Variants in ARHGEF3 observed in about 807,000 individuals in gnomAD.
The protein encoded by ARHGEF3 is Rho guanine nucleotide exchange factor 3.
In ARHGEF3, 28 loss-of-function variants were observed where a neutral mutation model predicts 63.2. That is an observed-to-expected ratio of 0.44 (90% CI 0.33 to 0.61). ARHGEF3 has a LOEUF of 0.61. Among genes scored for constraint, ARHGEF3 ranks in the 20% least tolerant of loss-of-function variants. ARHGEF3 has a pLI of 0.03. For synonymous variants in ARHGEF3, 266 were observed against 254.2 expected (o/e 1.05, Z -0.44); for missense variants, 533 against 659.3 (o/e 0.81, Z 2.10).
chr3:56,933,951 T>C (rs926359269), intron 3 of ARHGEF3, among the ~76,000 whole-genome samples: 2 of 152,210 alleles, frequency 1.3e-5, no homozygotes, highest in African/African-American at 2.4e-5. Flanking sequence ...GTTTTATTAG[T>C]GTTTAACAGT....
At chr3:56,733,521 A>G (rs116746621) in intron 8 of ARHGEF3, among the ~76,000 whole-genome samples, 2,685 of 152,188 alleles carry the variant, frequency 0.018, 86 homozygotes, top group African/African-American at 0.061. Context: ...ACAATAGTCT[A>G]TAAAAAATGA....
At chr3:56,990,380 T>C (rs1288601717) in intron 2 of ARHGEF3, among the ~76,000 whole-genome samples, 1 of 152,200 alleles carries the variant, frequency 6.6e-6, no homozygotes, top group African/African-American at 2.4e-5. Context: ...GGTCAAGAGT[T>C]CGAGACCAGC....
At chr3:56,921,957 T>C (rs2042153435) in intron 3 of ARHGEF3, among the ~76,000 whole-genome samples, 1 of 152,244 alleles carries the variant, frequency 6.6e-6, no homozygotes, top group South Asian at 2.1e-4. Flanking sequence ...CTGGTTTTGT[T>C]ACAAGCAATC....
At chr3:56,912,133 T>C (rs1013101896) in intron 3 of ARHGEF3, among the ~76,000 whole-genome samples, 1 of 152,128 alleles carries the variant, frequency 6.6e-6, no homozygotes, top group Non-Finnish European at 1.5e-5. Context: ...TCATTTGACT[T>C]TGAAGTAGGG....
intron 1 of ARHGEF3, among the ~76,000 whole-genome samples, chr3:57,052,320 G>A (rs11919079): frequency 0.19 from 28,202 of 151,338 alleles, 2,754 homozygotes; most frequent in Middle Eastern, 0.27. Context: ...TTTTTCAGAC[G>A]GAGTCTCCTT....
intron 1 of ARHGEF3, among the ~76,000 whole-genome samples, chr3:57,046,672 T>G (rs1351882788): frequency 6.6e-6 from 1 of 152,118 alleles, no homozygotes; most frequent in Non-Finnish European, 1.5e-5. Context: ...TGACTGTGTG[T>G]TCAGCTGCAC....
Position 56,917,013 on chromosome 3 carries a change from T to C in ARHGEF3, c.130-34659A>G, listed in dbSNP as rs140618254. Among the ~76,000 whole-genome samples, 315 of 152,300 alleles carry C rather than the reference T, an allele frequency of 2.1e-3. 3 individuals are homozygous for C. The highest frequency in any genetic ancestry group is 7.1e-3 in the African/African-American group (293 of 41,554). ...AACTTTTGTCATGGATAACAAGAGG[T>C]CTTCCTGCTCAGAGCTATTATGGAA... On this transcript the variant is annotated intron_variant, in intron 3 of 12. Coordinates refer to the ARHGEF3 transcript ENST00000338458.
chr3:56,923,398 T>G (rs990096510), intron 3 of ARHGEF3, among the ~76,000 whole-genome samples: 12 of 151,924 alleles, frequency 7.9e-5, no homozygotes, highest in Non-Finnish European at 1.6e-4. Flanking sequence ...CGATGGAAAC[T>G]GGTTCAAATT....
At chr3:57,009,371 C>T (rs1178972778) in intron 2 of ARHGEF3, among the ~76,000 whole-genome samples, 2 of 152,226 alleles carry the variant, frequency 1.3e-5, no homozygotes, top group African/African-American at 4.8e-5. Flanking sequence ...CCTAGAGCTA[C>T]TTCTAAAGTT....
At chr3:56,934,831 C>T (rs2042512751) in intron 3 of ARHGEF3, among the ~76,000 whole-genome samples, 2 of 152,356 alleles carry the variant, frequency 1.3e-5, no homozygotes, top group African/African-American at 4.8e-5. Context: ...CATCGACCAC[C>T]CAAGGGCTGA....
At chr3:56,986,179 A>G (rs1457175210) in intron 2 of ARHGEF3, among the ~76,000 whole-genome samples, 4 of 152,224 alleles carry the variant, frequency 2.6e-5, no homozygotes, top group East Asian at 1.9e-4. Context: ...CCAGCAACCT[A>G]AAGAGCCCAA....
intron 3 of ARHGEF3, among the ~76,000 whole-genome samples, chr3:56,891,928 T>C (rs1477538579): frequency 6.6e-6 from 1 of 152,180 alleles, no homozygotes; most frequent in Non-Finnish European, 1.5e-5. Flanking sequence ...CCCTATTATA[T>C]GATCTTAGCC....
intron 1 of ARHGEF3, chr3:57,074,404 C>A: frequency 1.4e-6 from 1 of 722,180 alleles, no homozygotes; most frequent in Non-Finnish European, 2.4e-6. Context: ...TCTTAGATAT[C>A]ACTTTTTCCA....
At chr3:56,929,136 ATT>A in intron 3 of ARHGEF3, among the ~76,000 whole-genome samples, 1 of 152,174 alleles carries the variant, frequency 6.6e-6, no homozygotes, top group South Asian at 2.1e-4. Context: ...GGTCCTCTGG[ATT>A]GGGGAAGAAG....
chr3:56,978,653 T>C (rs1701212273), intron 2 of ARHGEF3, among the ~76,000 whole-genome samples: 1 of 152,328 alleles, frequency 6.6e-6, no homozygotes, highest in East Asian at 1.9e-4. Flanking sequence ...CAACTATAAA[T>C]GTATATATTG....
chr3:56,917,612 T>C (rs1399708950), intron 3 of ARHGEF3, among the ~76,000 whole-genome samples: 1 of 152,116 alleles, frequency 6.6e-6, no homozygotes, highest in African/African-American at 2.4e-5. Flanking sequence ...GTCCAGGAAA[T>C]AAGTGAGCTT....
intron 2 of ARHGEF3, among the ~76,000 whole-genome samples, chr3:56,963,890 AAGAGGTAGTT>A (rs1283297336): frequency 2.0e-5 from 3 of 152,178 alleles, no homozygotes; most frequent in Non-Finnish European, 4.4e-5. Context: ...GCTCACTGTG[AAGAGGTAGTT>A]TGCAGAATAG....
At chr3:57,026,286 A>C (rs1703471205) in intron 2 of ARHGEF3, among the ~76,000 whole-genome samples, 1 of 152,132 alleles carries the variant, frequency 6.6e-6, no homozygotes, top group South Asian at 2.1e-4. Flanking sequence ...CTGTAGTCCC[A>C]GCTACTCAGG....
intron 4 of ARHGEF3, among the ~76,000 whole-genome samples, chr3:56,880,883 GC>G (rs1392217956): frequency 2.0e-5 from 3 of 152,072 alleles, no homozygotes; most frequent in Admixed American, 6.6e-5. Flanking sequence ...TAGTAAACTG[GC>G]CCAACTCCAT....
Sources: gnomAD v4.1 joint callset for allele counts (sites outside exome capture counted in the v4.1 genomes callset) on GRCh38, gnomAD v4.1.1 for gene constraint, MANE v1.5 for transcripts, NCBI Gene and HGNC (gene_info 2026-07-23, HGNC 2026-07-21) for gene names.